The following ACTA2 variants were observed in gnomAD, a reference collection of about 807,000 sequenced individuals.
ACTA2 encodes the protein actin alpha 2, smooth muscle.
In ACTA2, 12 loss-of-function variants were observed where a neutral mutation model predicts 39.5. The observed-to-expected ratio is 0.30, with a 90% confidence interval of 0.19 to 0.49. The LOEUF (loss-of-function observed/expected upper bound fraction) is 0.49. Among genes scored for constraint, ACTA2 ranks in the 20% least tolerant of loss-of-function variants. The probability of loss-of-function intolerance (pLI) is 0.99; values close to 1 mark genes in which losing one functional copy is unlikely to be tolerated. For synonymous variants in ACTA2, 158 were observed against 180.6 expected (o/e 0.88, Z 1.00); for missense variants, 236 against 498.8 (o/e 0.47, Z 5.02).
At chr10:88,987,763 G>A (rs973373240) in intron 1 of ACTA2, among the ~76,000 whole-genome samples, 1 of 152,128 alleles carries the variant, frequency 6.6e-6, no homozygotes, top group Non-Finnish European at 1.5e-5. Context: ...CCACTGTGAT[G>A]GTTAATTTTA....
chr10:88,935,527 T>A, intron 8 of ACTA2, 161 bp from the exon 9 acceptor site: 4 of 776,736 alleles, frequency 5.1e-6, no homozygotes, highest in Non-Finnish European at 6.4e-6. Flanking sequence ...TTGTGTCATG[T>A]TCTTGGCAGG....
At chr10:88,951,887 C>G (rs565524689) in intron 1 of ACTA2, among the ~76,000 whole-genome samples, 1 of 152,340 alleles carries the variant, frequency 6.6e-6, no homozygotes, top group African/African-American at 2.4e-5. Context: ...TGGGCTGAAG[C>G]TGCCAAACCT....
upstream of ACTA2, among the ~76,000 whole-genome samples, chr10:88,953,342 G>T (rs1307524546): frequency 2.6e-5 from 4 of 152,228 alleles, no homozygotes; most frequent in African/African-American, 9.6e-5. Flanking sequence ...AATAGGAATT[G>T]AAGTATGGAG....
At position 88,939,594 on chromosome 10, in the gene ACTA2, T is replaced by A; in HGVS notation, c.721A>T (p.Ser241Cys). ...ACTTGCCCATCAGGCAACTCGTAAC[T>A]CTTCTCAAGGGAGGATGAGGATGCG... ...TAASSSSLEK[S>C]YELPDGQVIT... The change falls in exon 7 of 9, where the codon AGT becomes TGT. Residue 241 changes from serine (S) to cysteine (C), a missense_variant. Physicochemically the swap from Ser to Cys is moderately radical, Grantham distance 112. Coordinates refer to ENST00000224784, the MANE Select transcript of ACTA2 (RefSeq NM_001613.4). 1 of 1,614,104 alleles carries A rather than the reference T, an allele frequency of 6.2e-7. No homozygotes were observed. The highest frequency in any genetic ancestry group is 8.5e-7 in the Non-Finnish European group (1 of 1,179,990).
intron 1 of ACTA2, among the ~76,000 whole-genome samples, chr10:88,970,351 C>A (rs754384923): frequency 2.6e-5 from 4 of 152,170 alleles, no homozygotes; most frequent in Non-Finnish European, 5.9e-5. Flanking sequence ...GTCCTCTTCG[C>A]TGAGTTCCTT....
At position 88,990,483 on chromosome 10, in the gene ACTA2, T is replaced by G; in HGVS notation, c.-24+456A>C. The G allele has an allele frequency of 1.8e-6, 1 of 552,392 alleles. No individual in the cohort carries two copies. The highest frequency in any genetic ancestry group is 3.5e-6 in the Non-Finnish European group (1 of 289,710). The allele number at this position is 552,392 out of a possible 1,614,324, so 34.2% of individuals were successfully genotyped here. On this transcript the variant is annotated intron_variant, in intron 1 of 4. Transcript: ENST00000415557. The surrounding 1 kb of genome is among the most constrained non-coding windows in gnomAD (Gnocchi z 4.9). Reference sequence around the variant, plus strand: ...GAACGCCCCGGGACAGGAATGCCCATTTGTGCAACGAACCCTGACTCCTTC... The same window carrying G: ...GAACGCCCCGGGACAGGAATGCCCAGTTGTGCAACGAACCCTGACTCCTTC...
At chr10:88,985,635 GGT>G (rs1489601735) in intron 1 of ACTA2, among the ~76,000 whole-genome samples, 5 of 152,138 alleles carry the variant, frequency 3.3e-5, no homozygotes, top group Admixed American at 2.0e-4. Flanking sequence ...CTGGTGCCCT[GGT>G]AAAGAGTCCC....
rs533216598 is a variant in ACTA2 at position 88,991,013 on chromosome 10, C to A, written c.-98G>T. The stretch of plus-strand genomic sequence containing the variant: ...GCGGGATTGCGGCGGCAGCGGCGCA[C>A]GCGGGCACCTGGGAGCGGCGGGCTG... On this transcript the variant is annotated 5_prime_UTR_variant, in exon 1 of 5. Coordinates refer to the ACTA2 transcript ENST00000415557. 89 of 1,498,380 alleles carry A rather than the reference C, an allele frequency of 5.9e-5. No individual in the cohort carries two copies. The African/African-American group carries it at 1.1e-3, about 19-fold the overall frequency. The allele number at this position is 1,498,380 out of a possible 1,614,324, so 92.8% of individuals were successfully genotyped here.
At chr10:88,976,490 T>C (rs1000684472) in intron 1 of ACTA2, among the ~76,000 whole-genome samples, 2 of 152,220 alleles carry the variant, frequency 1.3e-5, no homozygotes, top group Non-Finnish European at 2.9e-5. Context: ...TTAATTACAT[T>C]TGAATAGTCC....
At chr10:88,947,666 C>A (rs1845975845) in intron 2 of ACTA2, among the ~76,000 whole-genome samples, 1 of 152,106 alleles carries the variant, frequency 6.6e-6, no homozygotes, top group Non-Finnish European at 1.5e-5. Flanking sequence ...TTTTTTAGGG[C>A]AGAGATCATG....
intron 1 of ACTA2, among the ~76,000 whole-genome samples, chr10:88,964,076 G>A (rs561356147): frequency 2.0e-5 from 3 of 151,508 alleles, no homozygotes; most frequent in African/African-American, 4.8e-5. Flanking sequence ...TCTATAATTT[G>A]TGTATTTTGT....
At chr10:88,956,667 A>G (rs531349379), upstream of ACTA2, among the ~76,000 whole-genome samples, 2 of 152,326 alleles carry the variant, frequency 1.3e-5, no homozygotes, top group East Asian at 3.9e-4. Context: ...ATTACATGTC[A>G]AGGCTTTTAT....
intron 5 of ACTA2, 57 bp from the exon 6 acceptor site, chr10:88,941,447 T>C (rs577706852): frequency 3.1e-6 from 5 of 1,603,964 alleles, no homozygotes; most frequent in African/African-American, 1.3e-5. Flanking sequence ...GGTTACTTGC[T>C]GGACAAGTAG....
chr10:88,957,837 G>A (rs565509949), intron 1 of ACTA2, among the ~76,000 whole-genome samples: 7 of 151,976 alleles, frequency 4.6e-5, no homozygotes, highest in African/African-American at 1.4e-4. Flanking sequence ...GTGCGACCTC[G>A]GCTCACTGCA....
chr10:88,949,620 C>T (rs1346169920), intron 1 of ACTA2, among the ~76,000 whole-genome samples: 1 of 152,108 alleles, frequency 6.6e-6, no homozygotes, highest in Non-Finnish European at 1.5e-5. Flanking sequence ...GTTAAGCTAA[C>T]AGTCCAACAA....
At chr10:88,975,660 TG>T (rs1488212416) in intron 1 of ACTA2, among the ~76,000 whole-genome samples, 1 of 152,048 alleles carries the variant, frequency 6.6e-6, no homozygotes, top group Non-Finnish European at 1.5e-5. Context: ...TTTTCAATGT[TG>T]GTCAATGCTG....
chr10:88,978,497 T>C (rs1420024975), intron 1 of ACTA2, among the ~76,000 whole-genome samples: 2 of 152,210 alleles, frequency 1.3e-5, no homozygotes, highest in African/African-American at 4.8e-5. Flanking sequence ...TGTGAATACA[T>C]TTGTTGTACT....
chr10:88,949,189 G>A (rs1162034022), intron 1 of ACTA2, among the ~76,000 whole-genome samples: 1 of 152,182 alleles, frequency 6.6e-6, no homozygotes, highest in African/African-American at 2.4e-5. Flanking sequence ...CAACCTTAGT[G>A]TAGTGACCGG....
intron 1 of ACTA2, among the ~76,000 whole-genome samples, chr10:88,981,955 G>A (rs1846723222): frequency 6.6e-6 from 1 of 152,186 alleles, no homozygotes; most frequent in Non-Finnish European, 1.5e-5. Context: ...ACCTCTATGT[G>A]AATCAGGAAA....
Sources: allele counts gnomAD v4.1 joint callset (sites outside exome capture counted in the v4.1 genomes callset), GRCh38; gene constraint gnomAD v4.1.1; non-coding constraint Gnocchi (gnomAD v3.1); transcripts MANE v1.5; gene names NCBI Gene and HGNC (gene_info 2026-07-23, HGNC 2026-07-21).